ADAMTSL1: variants seen among roughly 807,000 people sequenced by gnomAD.
The protein encoded by ADAMTSL1 is ADAMTS-like protein 1.
ADAMTSL1 carries 126 observed loss-of-function variants against 201.8 expected under a neutral mutation model. The ratio of observed to expected loss-of-function variants is 0.62; its 90% confidence interval spans 0.54 to 0.72. ADAMTSL1 has a LOEUF of 0.72. Among genes scored for constraint, ADAMTSL1 ranks in the 30% least tolerant of loss-of-function variants. The pLI is 0.00. For missense variants in ADAMTSL1, 2,679 were observed against 2,277.8 expected, an observed-to-expected ratio of 1.18 and a Z score of -3.59; for synonymous variants, 1,121 against 903.4, an observed-to-expected ratio of 1.24 and a Z score of -4.32.
chr9:18,199,122 G>T (rs1160646137), intron 2 of ADAMTSL1, among the ~76,000 whole-genome samples: 1 of 148,824 alleles, frequency 6.7e-6, no homozygotes, highest in East Asian at 2.0e-4. Context: ...GGTCGGGGGA[G>T]GCGGGAGGGA....
At chr9:18,239,269 T>G (rs924716499) in intron 2 of ADAMTSL1, among the ~76,000 whole-genome samples, 3 of 152,246 alleles carry the variant, frequency 2.0e-5, no homozygotes, top group Non-Finnish European at 4.4e-5. Context: ...CTCTGTAGCA[T>G]GTGATGCTGT....
intron 23 of ADAMTSL1, among the ~76,000 whole-genome samples, chr9:18,867,599 T>C (rs12337179): frequency 0.093 from 14,147 of 152,246 alleles, 777 homozygotes; most frequent in East Asian, 0.2. Context: ...TCAATGATTC[T>C]TTTAGGTAAA....
In ADAMTSL1 at chr9:18,622,490, A is replaced by G. The variant is rs143114985; in HGVS notation, c.601+121A>G. 52 of 1,429,522 alleles carry G rather than the reference A, an allele frequency of 3.6e-5. 1 individual carries two copies. The highest frequency in any genetic ancestry group is 8.1e-5 in the Admixed American group (4 of 49,606). The allele number at this position is 1,429,522 out of a possible 1,614,324, so 88.6% of individuals were successfully genotyped here. ...CACCAAAACGATAATGAACCTGAAA[A>G]TGTAGAAGGCTTCATGCTCTGGCAT... On this transcript the variant is annotated intron_variant, in intron 5 of 28. Coordinates refer to ENST00000380548, the MANE Select transcript of ADAMTSL1 (RefSeq NM_001040272.6).
intron 3 of ADAMTSL1, among the ~76,000 whole-genome samples, chr9:18,551,709 A>C (rs1275500288): frequency 6.6e-6 from 1 of 151,840 alleles, no homozygotes; most frequent in Non-Finnish European, 1.5e-5. Flanking sequence ...AAAATGAGGC[A>C]CATAGGGTCG....
At chr9:18,166,670 C>A (rs986981203) in intron 2 of ADAMTSL1, among the ~76,000 whole-genome samples, 7 of 151,850 alleles carry the variant, frequency 4.6e-5, no homozygotes, top group Non-Finnish European at 8.8e-5. Flanking sequence ...CTAGGAAACA[C>A]CATGTCTCAC....
At chr9:18,516,765 G>C (rs1051516106) in intron 2 of ADAMTSL1, among the ~76,000 whole-genome samples, 7 of 152,156 alleles carry the variant, frequency 4.6e-5, no homozygotes, top group Non-Finnish European at 2.9e-5. Flanking sequence ...GATATCCAAG[G>C]TGCCCTTCAA....
intron 15 of ADAMTSL1, among the ~76,000 whole-genome samples, chr9:18,732,286 T>A (rs1441048455): frequency 6.6e-6 from 1 of 152,144 alleles, no homozygotes; most frequent in African/African-American, 2.4e-5. Context: ...GAACCTAGCT[T>A]CAAGCCAGCT....
At chr9:17,914,158 C>T (rs1012289420) in intron 1 of ADAMTSL1, among the ~76,000 whole-genome samples, 32 of 152,306 alleles carry the variant, frequency 2.1e-4, no homozygotes, top group African/African-American at 7.7e-4. Flanking sequence ...GGAATCCTCC[C>T]TAACTCATTT....
intron 1 of ADAMTSL1, among the ~76,000 whole-genome samples, chr9:18,096,454 C>T (rs1033070326): frequency 2.6e-5 from 4 of 152,250 alleles, no homozygotes; most frequent in Admixed American, 2.6e-4. Context: ...AATATAGTAG[C>T]CACTGGCCCA....
intron 3 of ADAMTSL1, among the ~76,000 whole-genome samples, chr9:18,555,565 T>G (rs1160200430): frequency 6.6e-6 from 1 of 151,842 alleles, no homozygotes; most frequent in Non-Finnish European, 1.5e-5. Flanking sequence ...TTTCATTGTT[T>G]TGGAGGACAC....
rs76140638 is a variant in ADAMTSL1 at position 18,461,059 on chromosome 9, A to G, written c.208-43770A>G. 9.6e-3 allele frequency among the ~76,000 whole-genome samples: 1,466 copies of G among 152,320 alleles called. 29 individuals are homozygous for G. The highest frequency in any genetic ancestry group is 0.074 in the South Asian group (359 of 4,826). On this transcript the variant is annotated intron_variant, in intron 2 of 29. Transcript: ENST00000680146. ...TTTTTAACAAATGTAACTTTTAAAG[A>G]AAATCCTGATTATTTTTCCACACCT...
intron 7 of ADAMTSL1, among the ~76,000 whole-genome samples, chr9:18,644,626 G>C (rs1827670087): frequency 6.6e-6 from 1 of 151,438 alleles, no homozygotes; most frequent in East Asian, 1.9e-4. Flanking sequence ...CTATGAGTGA[G>C]AACATGCAGT....
At chr9:18,169,695 A>T (rs941916696) in intron 2 of ADAMTSL1, among the ~76,000 whole-genome samples, 4 of 152,104 alleles carry the variant, frequency 2.6e-5, no homozygotes, top group Non-Finnish European at 4.4e-5. Flanking sequence ...GATGGCATTG[A>T]ATCTATAAAT....
At chr9:18,193,150 A>G (rs1829038266) in intron 2 of ADAMTSL1, among the ~76,000 whole-genome samples, 1 of 152,148 alleles carries the variant, frequency 6.6e-6, no homozygotes, top group Admixed American at 6.6e-5. Context: ...CATTCCTCTC[A>G]GAACTCATCC....
chr9:18,187,464 A>G (rs1226669015), intron 2 of ADAMTSL1, among the ~76,000 whole-genome samples: 2 of 152,206 alleles, frequency 1.3e-5, no homozygotes, highest in Non-Finnish European at 2.9e-5. Context: ...AAATACCCAA[A>G]TATAGTTAAG....
At chr9:18,121,134 C>T (rs1825478164) in intron 1 of ADAMTSL1, among the ~76,000 whole-genome samples, 1 of 152,058 alleles carries the variant, frequency 6.6e-6, no homozygotes, top group Non-Finnish European at 1.5e-5. Flanking sequence ...ACAGTTGGCT[C>T]TAGGAAAAAG....
At chr9:18,471,750 G>A (rs554218114), upstream of ADAMTSL1, among the ~76,000 whole-genome samples, 1 of 152,304 alleles carries the variant, frequency 6.6e-6, no homozygotes, top group South Asian at 2.1e-4. Flanking sequence ...GCATTCAACA[G>A]GTGATTGAGG....
intron 1 of ADAMTSL1, among the ~76,000 whole-genome samples, chr9:17,925,678 G>A (rs1221508995): frequency 7.5e-6 from 1 of 133,436 alleles, no homozygotes; most frequent in African/African-American, 2.9e-5. Flanking sequence ...ACACAGGAAG[G>A]GGAATATCAC....
intron 25 of ADAMTSL1, among the ~76,000 whole-genome samples, chr9:18,890,175 C>G (rs1156338196): frequency 6.6e-6 from 1 of 152,320 alleles, no homozygotes; most frequent in East Asian, 1.9e-4. Flanking sequence ...ACCTTAAATA[C>G]CCATGCTAAT....
Sources: gnomAD v4.1 joint callset for allele counts (sites outside exome capture counted in the v4.1 genomes callset) on GRCh38, gnomAD v4.1.1 for gene constraint, MANE v1.5 for transcripts, NCBI Gene and HGNC (gene_info 2026-07-23, HGNC 2026-07-21) for gene names.